Variants in SPAG16 observed in about 807,000 individuals in gnomAD.
SPAG16 encodes the protein sperm-associated antigen 16 protein.
A neutral mutation model predicts 80.4 loss-of-function variants in SPAG16; 86 were observed. That is an observed-to-expected ratio of 1.07 (90% confidence interval 0.90 to 1.28). The LOEUF is 1.28. SPAG16 is among the 50% of genes most tolerant of loss of function. SPAG16 has a pLI of 0.00. For synonymous variants in SPAG16, 294 were observed against 265.9 expected (o/e 1.11, Z -1.03); for missense variants, 870 against 765.3 (o/e 1.14, Z -1.61).
intron 10 of SPAG16, among the ~76,000 whole-genome samples, chr2:213,671,734 G>A (rs913238844): frequency 2.0e-5 from 3 of 152,116 alleles, no homozygotes; most frequent in African/African-American, 7.2e-5. Context: ...ATCAGTTATG[G>A]CCAGGGTGCT....
chr2:213,564,771 TG>T (rs1575993107), intron 10 of SPAG16, among the ~76,000 whole-genome samples: 1 of 152,190 alleles, frequency 6.6e-6, no homozygotes, highest in Non-Finnish European at 1.5e-5. Context: ...ACAAGAATCC[TG>T]TGAGTTTTAT....
At chr2:214,209,453 A>G (rs1250177209) in intron 15 of SPAG16, among the ~76,000 whole-genome samples, 1 of 152,186 alleles carries the variant, frequency 6.6e-6, no homozygotes, top group Non-Finnish European at 1.5e-5. Context: ...ATGTTCAAAT[A>G]CCCTGGGAAA....
chr2:213,536,613 T>C (rs1444428766), intron 10 of SPAG16, among the ~76,000 whole-genome samples: 5 of 152,240 alleles, frequency 3.3e-5, no homozygotes, highest in African/African-American at 4.8e-5. Context: ...GTCTTTTGGC[T>C]ACATAAATGT....
At chr2:213,476,572 C>T (rs1170191626) in intron 9 of SPAG16, among the ~76,000 whole-genome samples, 4 of 152,154 alleles carry the variant, frequency 2.6e-5, no homozygotes, top group Admixed American at 1.3e-4. Flanking sequence ...CAAGAAGCCT[C>T]GGAATGAAAG....
intron 9 of SPAG16, among the ~76,000 whole-genome samples, chr2:213,408,914 A>C (rs932728557): frequency 1.3e-5 from 2 of 152,234 alleles, no homozygotes; most frequent in Non-Finnish European, 2.9e-5. Flanking sequence ...CAAGAAACGT[A>C]GCTTGCTAAA....
intron 15 of SPAG16, among the ~76,000 whole-genome samples, chr2:214,150,787 C>A (rs2055936168): frequency 6.6e-6 from 1 of 151,474 alleles, no homozygotes; most frequent in African/African-American, 2.4e-5. Flanking sequence ...TTGCTCTTTG[C>A]CATCCTTGTC....
At chr2:213,602,847 CTT>C (rs2061117598) in intron 10 of SPAG16, among the ~76,000 whole-genome samples, 1 of 152,052 alleles carries the variant, frequency 6.6e-6, no homozygotes, top group African/African-American at 2.4e-5. Context: ...ATTTTTCCCA[CTT>C]GGGTAATTGA....
intron 10 of SPAG16, among the ~76,000 whole-genome samples, chr2:213,803,221 T>C (rs949589029): frequency 6.6e-6 from 1 of 152,176 alleles, no homozygotes; most frequent in Non-Finnish European, 1.5e-5. Flanking sequence ...TCCCCTGGAA[T>C]ATGGCAAGAT....
intron 10 of SPAG16, among the ~76,000 whole-genome samples, chr2:213,830,683 T>C (rs1385860890): frequency 6.6e-6 from 1 of 152,160 alleles, no homozygotes; most frequent in Non-Finnish European, 1.5e-5. Flanking sequence ...CTATTTTGGT[T>C]CCACATTTAC....
At chr2:214,254,192 T>A (rs185156339) in intron 15 of SPAG16, among the ~76,000 whole-genome samples, 1 of 152,122 alleles carries the variant, frequency 6.6e-6, no homozygotes, top group African/African-American at 2.4e-5. Context: ...TGGGCTGAGA[T>A]GATGTGATTT....
chr2:214,208,173 G>A (rs959118074), intron 15 of SPAG16, among the ~76,000 whole-genome samples: 17 of 151,838 alleles, frequency 1.1e-4, no homozygotes, highest in Non-Finnish European at 1.5e-4. Context: ...TACAGATTTC[G>A]GTACCAAAAT....
At chr2:214,210,528 G>A (rs1221546456) in intron 15 of SPAG16, among the ~76,000 whole-genome samples, 1 of 152,048 alleles carries the variant, frequency 6.6e-6, no homozygotes, top group African/African-American at 2.4e-5. Flanking sequence ...TCTATTTCCT[G>A]GGGGTTTTGT....
At chr2:214,148,645 C>G (rs1418315451) in intron 14 of SPAG16, among the ~76,000 whole-genome samples, 2 of 122,422 alleles carry the variant, frequency 1.6e-5, no homozygotes, top group Admixed American at 9.3e-5. Context: ...TTTGTTTTTT[C>G]TCTATTTGAG....
chr2:213,334,246 A>C (rs1455597783), intron 5 of SPAG16, among the ~76,000 whole-genome samples: 3 of 152,222 alleles, frequency 2.0e-5, no homozygotes, highest in African/African-American at 7.2e-5. Flanking sequence ...TATCAGTCAA[A>C]ACTATGATGA....
chr2:214,410,372 G>A lies in SPAG16; in HGVS notation c.*57G>A. On this transcript the variant is annotated 3_prime_UTR_variant, in exon 16 of 16. Transcript: ENST00000331683. ...CCTTTAAGGCTTGAAAATGCCTCCT[G>A]TAGTCCCAAACCAGCAAAGAACTGG... The A allele has an allele frequency of 2.0e-6, 3 of 1,493,600 alleles. No individual in the cohort carries two copies. The highest frequency in any genetic ancestry group is 2.6e-5 in the South Asian group (2 of 77,450). 92.5% of individuals were successfully genotyped at this position (1,493,600 alleles called of 1,614,324 possible). A position where few individuals can be genotyped will look rare whatever the true frequency, so the allele number is the denominator to read the frequency against.
intron 15 of SPAG16, among the ~76,000 whole-genome samples, chr2:214,324,571 T>C (rs1192925332): frequency 6.6e-6 from 1 of 152,160 alleles, no homozygotes; most frequent in Non-Finnish European, 1.5e-5. Flanking sequence ...ATTCCTAGCA[T>C]GATGAAGAGC....
At chr2:214,222,232 T>G (rs2058595737) in intron 15 of SPAG16, among the ~76,000 whole-genome samples, 1 of 147,292 alleles carries the variant, frequency 6.8e-6, no homozygotes, top group Non-Finnish European at 1.5e-5. Flanking sequence ...GTCTCCTGAC[T>G]CAGCCTCCTG....
At chr2:213,541,101 C>G (rs1240746498) in intron 10 of SPAG16, among the ~76,000 whole-genome samples, 1 of 152,164 alleles carries the variant, frequency 6.6e-6, no homozygotes, top group Non-Finnish European at 1.5e-5. Flanking sequence ...CATGGTTTTT[C>G]CTTTTTTGAC....
intron 10 of SPAG16, among the ~76,000 whole-genome samples, chr2:213,652,812 C>T (rs2063071670): frequency 6.6e-6 from 1 of 152,028 alleles, no homozygotes; most frequent in South Asian, 2.1e-4. Context: ...TATAGGTTGC[C>T]TTTTTATCCT....
Sources: allele counts gnomAD v4.1 joint callset (sites outside exome capture counted in the v4.1 genomes callset), GRCh38; gene constraint gnomAD v4.1.1; transcripts MANE v1.5; gene names NCBI Gene and HGNC (gene_info 2026-07-23, HGNC 2026-07-21).